Variants in SOX5 observed in about 807,000 individuals in gnomAD.
SOX5 encodes transcription factor SOX-5.
Under a neutral mutation model 92.0 loss-of-function variants are expected in SOX5, and 9 were observed. The ratio of observed to expected loss-of-function variants is 0.10; its 90% CI spans 0.06 to 0.17. The LOEUF (loss-of-function observed/expected upper bound fraction) is 0.17. Ranked by LOEUF, SOX5 falls within the 10% of genes least tolerant of loss-of-function variation. SOX5 has a pLI of 1.00. For missense variants in SOX5, 642 were observed against 944.5 expected (o/e 0.68, Z 4.20); for synonymous variants, 344 against 336.3 (o/e 1.02, Z -0.25).
At chr12:23,673,874 G>C (rs545831712) in intron 6 of SOX5, among the ~76,000 whole-genome samples, 83 of 152,066 alleles carry the variant, frequency 5.5e-4, no homozygotes, top group African/African-American at 1.8e-3. Flanking sequence ...ATACCAAAAA[G>C]CACTGAATTA....
At chr12:23,632,816 A>T (rs1359519785) in intron 8 of SOX5, among the ~76,000 whole-genome samples, 1 of 152,104 alleles carries the variant, frequency 6.6e-6, no homozygotes, top group African/African-American at 2.4e-5. Flanking sequence ...ATCATCTATC[A>T]TTTTCTCTAT....
chr12:24,087,160 C>T (rs1480667859), intron 4 of SOX5, among the ~76,000 whole-genome samples: 2 of 151,916 alleles, frequency 1.3e-5, no homozygotes, highest in Non-Finnish European at 2.9e-5. Flanking sequence ...AGTGTGTGTT[C>T]TCTGTCTCTC....
chr12:24,085,852 C>A (rs1041691576), intron 4 of SOX5, among the ~76,000 whole-genome samples: 12 of 151,686 alleles, frequency 7.9e-5, no homozygotes, highest in Non-Finnish European at 1.3e-4. Context: ...CCCTCTGACA[C>A]CCTCCTCAAA....
intron 1 of SOX5, among the ~76,000 whole-genome samples, chr12:24,381,735 CAT>C (rs1429543136): frequency 2.0e-5 from 3 of 152,128 alleles, no homozygotes; most frequent in African/African-American, 4.8e-5. Flanking sequence ...GTGACCCACA[CAT>C]AGTTTTTTGT....
At chr12:23,998,026 G>GA (rs1310856802) in intron 4 of SOX5, among the ~76,000 whole-genome samples, 13 of 152,132 alleles carry the variant, frequency 8.5e-5, no homozygotes, top group African/African-American at 2.2e-4. Flanking sequence ...AGTTTTCAAT[G>GA]AAAAATCACA....
chr12:24,386,262 T>C (rs2136427640), intron 1 of SOX5, among the ~76,000 whole-genome samples: 1 of 152,266 alleles, frequency 6.6e-6, no homozygotes, highest in South Asian at 2.1e-4. Flanking sequence ...TAAATTAACT[T>C]TGATAATTGC....
chr12:24,073,063 A>G (rs546390746), intron 4 of SOX5, among the ~76,000 whole-genome samples: 2 of 152,320 alleles, frequency 1.3e-5, no homozygotes, highest in South Asian at 2.1e-4. Context: ...TTTTTCTGAC[A>G]TCTTATGATG....
intron 1 of SOX5, among the ~76,000 whole-genome samples, chr12:24,506,003 A>T (rs1047968454): frequency 5.9e-5 from 9 of 152,152 alleles, no homozygotes; most frequent in Non-Finnish European, 1.3e-4. Context: ...ACTCCAGACA[A>T]TATTTGCCTT....
intron 2 of SOX5, among the ~76,000 whole-genome samples, chr12:24,313,910 A>G (rs568769067): frequency 6.6e-6 from 1 of 152,316 alleles, no homozygotes; most frequent in East Asian, 1.9e-4. Flanking sequence ...AATCTTTATA[A>G]ATAAAAATGC....
At chr12:23,742,855 A>G (rs770193973) in intron 4 of SOX5, among the ~76,000 whole-genome samples, 12 of 152,008 alleles carry the variant, frequency 7.9e-5, no homozygotes, top group Non-Finnish European at 1.8e-4. Flanking sequence ...TTAGCTGAGC[A>G]TGGTGGTATG....
chr12:24,430,530 AGT>A (rs1938094833), intron 1 of SOX5, among the ~76,000 whole-genome samples: 1 of 95,294 alleles, frequency 1.0e-5, no homozygotes, highest in South Asian at 4.0e-4. Context: ...GAGGTAAAAC[AGT>A]GAAAAGAAAC....
At chr12:24,386,346 T>C (rs945744200) in intron 1 of SOX5, among the ~76,000 whole-genome samples, 1 of 152,170 alleles carries the variant, frequency 6.6e-6, no homozygotes, top group Non-Finnish European at 1.5e-5. Context: ...TAAACCCTAC[T>C]AGGTTCTGGG....
rs562582045 is a variant in SOX5 at position 24,030,639 on chromosome 12, CCTT to C, written c.-1-134618_-1-134616del. On this transcript the variant is annotated intron_variant, in intron 4 of 4. Coordinates refer to the SOX5 transcript ENST00000446891. Reference sequence around the variant, plus strand: ...GCTCCATCACATTGATCTGGGCAATCCTTCTTCAGATATGACCAGAAGCACAGG... The same window carrying C: ...GCTCCATCACATTGATCTGGGCAATCCTTCAGATATGACCAGAAGCACAGG... 2.8e-3 allele frequency among the ~76,000 whole-genome samples: 429 copies of C among 151,964 alleles called. 4 individuals carry two copies. Among genetic ancestry groups the C allele is most frequent in the African/African-American group, 0.01 (418 of 41,498 alleles).
intron 3 of SOX5, among the ~76,000 whole-genome samples, chr12:23,773,319 T>G (rs192380720): frequency 2.6e-5 from 4 of 152,264 alleles, no homozygotes; most frequent in Non-Finnish European, 5.9e-5. Context: ...AAAACCAAAC[T>G]GTAAAACTGT....
intron 4 of SOX5, among the ~76,000 whole-genome samples, chr12:24,168,690 A>G (rs1484580435): frequency 6.6e-6 from 1 of 152,172 alleles, no homozygotes; most frequent in Non-Finnish European, 1.5e-5. Context: ...AAGGCAGATA[A>G]TATGATGGCT....
At position 23,755,653 on chromosome 12, in the gene SOX5, A is replaced by C; in HGVS notation, c.553T>G (p.Phe185Val). Residue 185 changes from phenylalanine to valine, a missense_variant, in exon 4 of 15, where the codon TTT (phenylalanine) becomes GTT (valine). By Grantham distance (50) the Phe-to-Val change is conservative. Coordinates refer to ENST00000451604, the MANE Select transcript of SOX5 (RefSeq NM_006940.6). ...DKLLAMGSGNFGEIKGTPESL... is the reference protein window; with the variant it reads ...DKLLAMGSGNVGEIKGTPESL... ...ACCATATTACCTTTTATTTCGCCAA[A>C]GTTCCCCGATCCCATTGCAAGAAGC... 1 of 1,592,116 alleles carries C rather than the reference A, an allele frequency of 6.3e-7. No individual in the cohort carries two copies. The highest frequency in any genetic ancestry group is 8.5e-7 in the Non-Finnish European group (1 of 1,170,088).
intron 11 of SOX5, among the ~76,000 whole-genome samples, chr12:23,551,295 C>A (rs866617985): frequency 1.8e-4 from 28 of 151,738 alleles, no homozygotes; most frequent in African/African-American, 6.8e-4. Flanking sequence ...AATGTCATAA[C>A]GATTTATCAG....
At chr12:24,211,977 T>C (rs1311134319) in intron 4 of SOX5, among the ~76,000 whole-genome samples, 1 of 152,246 alleles carries the variant, frequency 6.6e-6, no homozygotes, top group African/African-American at 2.4e-5. Flanking sequence ...TCCATAATAT[T>C]TGCAAACTAA....
chr12:23,584,552 T>A, intron 9 of SOX5: 1 of 1,606,090 alleles, frequency 6.2e-7, no homozygotes, highest in Non-Finnish European at 8.5e-7. Flanking sequence ...CATACATGCA[T>A]GCACAGCTCC....
Sources: allele counts gnomAD v4.1 joint callset (sites outside exome capture counted in the v4.1 genomes callset), GRCh38; gene constraint gnomAD v4.1.1; transcripts MANE v1.5; gene names NCBI Gene and HGNC (gene_info 2026-07-23, HGNC 2026-07-21).